Variants in SPA17 observed in about 807,000 individuals in gnomAD.
The protein encoded by SPA17 is sperm surface protein Sp17.
In SPA17, 7 loss-of-function variants were observed where a neutral mutation model predicts 13.8. That is an observed-to-expected ratio of 0.51 (90% CI 0.29 to 0.95). SPA17 has a LOEUF of 0.95. Ranked by LOEUF, SPA17 falls within the 40% of genes least tolerant of loss-of-function variation. The pLI, the probability that SPA17 is intolerant of heterozygous loss-of-function variation, is 0.08. For synonymous variants in SPA17, 61 were observed against 59.0 expected (o/e 1.03, Z -0.16); for missense variants, 170 against 179.3 (o/e 0.95, Z 0.30).
intron 4 of SPA17, among the ~76,000 whole-genome samples, chr11:124,692,398 G>C (rs1388771651): frequency 6.6e-6 from 1 of 152,008 alleles, no homozygotes; most frequent in Admixed American, 6.6e-5. Flanking sequence ...GGCTAACACG[G>C]TGAAACCCCA....
chr11:124,687,584 A>G (rs972975104), intron 3 of SPA17, among the ~76,000 whole-genome samples: 21 of 152,226 alleles, frequency 1.4e-4, no homozygotes, highest in Admixed American at 6.5e-4. Flanking sequence ...CCAACAGCAC[A>G]TCAAAAAGGT....
intron 2 of SPA17, among the ~76,000 whole-genome samples, chr11:124,679,702 C>T (rs1943507767): frequency 6.6e-6 from 1 of 152,126 alleles, no homozygotes. Flanking sequence ...GGAAAACAAG[C>T]TAATTTCATG....
intron 3 of SPA17, among the ~76,000 whole-genome samples, chr11:124,685,815 T>G (rs1026972170): frequency 2.0e-5 from 3 of 152,204 alleles, no homozygotes; most frequent in Non-Finnish European, 4.4e-5. Flanking sequence ...ACATGGGGCC[T>G]GTAGCACCTT....
In SPA17 at chr11:124,691,801, G is replaced by A. The variant is rs1241909177; in HGVS notation, c.312+19G>A. 2.6e-6 allele frequency: 4 copies of A among 1,525,416 alleles called. No individual in the cohort carries two copies. Among genetic ancestry groups the A allele is most frequent in the Non-Finnish European group, 3.6e-6 (4 of 1,108,412 alleles). The allele number at this position is 1,525,416 out of a possible 1,614,324, so 94.5% of individuals were successfully genotyped here. A position where few individuals can be genotyped will look rare whatever the true frequency, so the allele number is the denominator to read the frequency against. ...CATCTTAGTATGTAATATTTTTCAT[G>A]TACTATTGGATTCCTACAAAGAATG... On this transcript the variant is annotated intron_variant, in intron 4 of 4. Transcript: ENST00000227135.
intron 3 of SPA17, among the ~76,000 whole-genome samples, chr11:124,685,088 T>TG (rs763216675): frequency 1.3e-5 from 2 of 152,084 alleles, no homozygotes; most frequent in African/African-American, 2.4e-5. Flanking sequence ...ACCAAGACAA[T>TG]GGGGAAAATG....
At position 124,675,226 on chromosome 11, in the gene SPA17, A is replaced by C; in HGVS notation, c.-27-12A>C. 1 of 1,593,400 alleles carries C rather than the reference A, an allele frequency of 6.3e-7. No homozygotes were observed. Among genetic ancestry groups the C allele is most frequent in the South Asian group, 1.1e-5 (1 of 87,072 alleles). On this transcript the variant is annotated splice_polypyrimidine_tract_variant and intron_variant, in intron 1 of 4. Transcript: ENST00000227135. Reference sequence around the variant, plus strand: ...ACAAATTTAAAGACAGTACTCTTTAATGAATCTTTAGGTTCCATAGGCAGT... The same window carrying C: ...ACAAATTTAAAGACAGTACTCTTTACTGAATCTTTAGGTTCCATAGGCAGT...
intron 1 of SPA17, chr11:124,674,368 A>AG (rs1204629509): frequency 6.6e-6 from 1 of 152,376 alleles, no homozygotes; most frequent in East Asian, 1.9e-4. Flanking sequence ...AGAAAAAAAA[A>AG]GCGATGAAAC....
At chr11:124,692,855 T>C (rs1162462977) in intron 4 of SPA17, among the ~76,000 whole-genome samples, 2 of 152,204 alleles carry the variant, frequency 1.3e-5, no homozygotes, top group African/African-American at 4.8e-5. Context: ...TCTGAGTTCC[T>C]TTTTATGTCT....
chr11:124,681,522 T>C, intron 3 of SPA17, 63 bp downstream of exon 3: 1 of 1,267,734 alleles, frequency 7.9e-7, no homozygotes. Context: ...CTAGCAATTA[T>C]TAGGCTATCC....
chr11:124,678,768 A>G (rs973227243), intron 2 of SPA17, among the ~76,000 whole-genome samples: 2 of 152,012 alleles, frequency 1.3e-5, no homozygotes, highest in African/African-American at 2.4e-5. Flanking sequence ...GGGTTTTGCC[A>G]TGTTATCGAG....
intron 3 of SPA17, among the ~76,000 whole-genome samples, chr11:124,685,559 C>T (rs1943570576): frequency 1.3e-5 from 2 of 152,128 alleles, no homozygotes; most frequent in South Asian, 2.1e-4. Context: ...AAGAAGAGGG[C>T]CACCATCCTC....
At chr11:124,683,872 C>T (rs568115072) in intron 3 of SPA17, among the ~76,000 whole-genome samples, 21 of 152,168 alleles carry the variant, frequency 1.4e-4, no homozygotes, top group Middle Eastern at 3.4e-3. Context: ...GACTGCAATA[C>T]AATAATAGTG....
intron 3 of SPA17, among the ~76,000 whole-genome samples, chr11:124,691,006 T>C (rs921726261): frequency 2.0e-5 from 3 of 152,226 alleles, no homozygotes; most frequent in Admixed American, 2.0e-4. Flanking sequence ...TGTTGAAAGA[T>C]TTTAAATCCT....
intron 2 of SPA17, 164 bp downstream of exon 2, chr11:124,675,582 G>A (rs1030513347): frequency 4.6e-6 from 3 of 645,728 alleles, no homozygotes; most frequent in Admixed American, 3.4e-5. Flanking sequence ...TCTTTGATAT[G>A]TTCTCTTAAA....
rs1943662754 is a variant in SPA17 at position 124,695,438 on chromosome 11, T to C, written c.*992T>C. ...TAACAAACTCAGAGGCTTTATCTCT[T>C]TTATGTTTTCAATGATTCATTCAAA... is the stretch of plus-strand genomic sequence containing the variant. On this transcript the variant is annotated 3_prime_UTR_variant, in exon 5 of 5. Coordinates refer to ENST00000227135, the MANE Select transcript of SPA17 (RefSeq NM_017425.4). 1 of 152,190 alleles carries C rather than the reference T, an allele frequency of 6.6e-6. No individual in the cohort carries two copies. The highest frequency in any genetic ancestry group is 1.5e-5 in the Non-Finnish European group (1 of 68,032). 9.4% of individuals were successfully genotyped at this position (152,190 alleles called of 1,614,324 possible). A position where few individuals can be genotyped will look rare whatever the true frequency, so the allele number is the denominator to read the frequency against.
intron 2 of SPA17, 107 bp from the exon 3 acceptor site, chr11:124,681,282 G>C (rs1409135134): frequency 1.2e-6 from 1 of 816,018 alleles, no homozygotes; most frequent in African/African-American, 1.8e-5. Context: ...TGGACTGCCA[G>C]TAAAGAACCT....
intron 3 of SPA17, among the ~76,000 whole-genome samples, 153 bp downstream of exon 3, chr11:124,681,612 TTTTATTAAAAAGATTA>T (rs1344326359): frequency 1.3e-5 from 2 of 151,706 alleles, no homozygotes; most frequent in Non-Finnish European, 2.9e-5. Flanking sequence ...ATAAATCTTA[TTTTATTAAAAAGATTA>T]TTTATTAAAA....
At chr11:124,675,445 T>C in intron 2 of SPA17, 27 bp downstream of exon 2, 1 of 1,600,096 alleles carries the variant, frequency 6.2e-7, no homozygotes, top group Non-Finnish European at 8.5e-7. Flanking sequence ...TAGTCATTTT[T>C]TAAAATAAGA....
chr11:124,684,122 A>T (rs1239968485), intron 3 of SPA17, among the ~76,000 whole-genome samples: 3 of 152,288 alleles, frequency 2.0e-5, no homozygotes, highest in Middle Eastern at 3.4e-3. Flanking sequence ...CCACCCTGTG[A>T]AGAGATGCCT....
Sources: allele counts gnomAD v4.1 joint callset (sites outside exome capture counted in the v4.1 genomes callset), GRCh38; gene constraint gnomAD v4.1.1; transcripts MANE v1.5; gene names NCBI Gene and HGNC (gene_info 2026-07-23, HGNC 2026-07-21).